The following SNTG2 variants were observed in gnomAD, a reference collection of about 807,000 sequenced individuals.
SNTG2 encodes the protein syntrophin gamma 2, also known as gamma-2-syntrophin.
A neutral mutation model predicts 70.9 loss-of-function variants in SNTG2; 74 were observed. The observed-to-expected ratio is 1.04, with a 90% CI of 0.86 to 1.27. The LOEUF (loss-of-function observed/expected upper bound fraction) is 1.27, where lower values mean the gene tolerates loss of function less well. SNTG2 is among the 50% of genes most tolerant of loss of function. The pLI is 0.00. For missense variants in SNTG2, 717 were observed against 690.7 expected, an observed-to-expected ratio of 1.04 and a Z score of -0.43; for synonymous variants, 278 against 273.8, an observed-to-expected ratio of 1.02 and a Z score of -0.15.
At chr2:1,244,024 C>G (rs1462198409) in intron 11 of SNTG2, among the ~76,000 whole-genome samples, 2 of 152,086 alleles carry the variant, frequency 1.3e-5, no homozygotes, top group Non-Finnish European at 2.9e-5. Context: ...AGACTCTGGC[C>G]TGGGGCCAGG....
chr2:1,263,554 G>T (rs946163250), intron 13 of SNTG2, among the ~76,000 whole-genome samples: 12 of 151,946 alleles, frequency 7.9e-5, no homozygotes, highest in East Asian at 3.9e-4. Context: ...AGTCCTAGGT[G>T]GGGGGTGGGC....
At chr2:1,283,469 C>G (rs547025296) in intron 14 of SNTG2, among the ~76,000 whole-genome samples, 23 of 152,322 alleles carry the variant, frequency 1.5e-4, no homozygotes, top group African/African-American at 5.1e-4. Flanking sequence ...GTCAACGGAG[C>G]TGCTGTGCAC....
chr2:1,083,445 C>T (rs530748407), intron 1 of SNTG2, 73 bp from the exon 2 acceptor site: 4 of 1,529,180 alleles, frequency 2.6e-6, no homozygotes, highest in East Asian at 2.3e-5. Flanking sequence ...GAGCAGGAGG[C>T]GTGCGTCACC....
At chr2:1,281,414 T>TG (rs1372860371) in intron 14 of SNTG2, among the ~76,000 whole-genome samples, 12,831 of 124,942 alleles carry the variant, frequency 0.1, 2,133 homozygotes, top group African/African-American at 0.12. Flanking sequence ...GTGTGTTGTG[T>TG]GTGTGTGTGT....
chr2:1,145,478 TAAAA>T (rs1339911324), intron 6 of SNTG2, among the ~76,000 whole-genome samples: 1 of 152,136 alleles, frequency 6.6e-6, no homozygotes, highest in African/African-American at 2.4e-5. Context: ...ACCAATTCCT[TAAAA>T]AACACAATCT....
At chr2:961,264 T>C (rs1277556217) in intron 1 of SNTG2, among the ~76,000 whole-genome samples, 1 of 152,220 alleles carries the variant, frequency 6.6e-6, no homozygotes. Context: ...TGGAGTGCAG[T>C]GGCACGATCT....
chr2:1,309,474 G>A (rs1211849091), intron 15 of SNTG2, among the ~76,000 whole-genome samples: 3 of 152,220 alleles, frequency 2.0e-5, no homozygotes, highest in African/African-American at 7.2e-5. Context: ...TTTTGCCCCC[G>A]AGGGACACTT....
intron 4 of SNTG2, among the ~76,000 whole-genome samples, chr2:1,136,226 T>C (rs1362068284): frequency 1.3e-5 from 2 of 151,776 alleles, no homozygotes; most frequent in Middle Eastern, 3.4e-3. Flanking sequence ...TTCCAGATAA[T>C]CAATACATGT....
intron 6 of SNTG2, among the ~76,000 whole-genome samples, chr2:1,153,835 G>C (rs4452187): frequency 6.6e-6 from 1 of 152,178 alleles, no homozygotes; most frequent in African/African-American, 2.4e-5. Context: ...AAAAATCAAA[G>C]TGCATCAGCT....
intron 6 of SNTG2, among the ~76,000 whole-genome samples, chr2:1,139,393 G>A (rs962713127): frequency 2.6e-5 from 4 of 152,096 alleles, no homozygotes; most frequent in African/African-American, 9.7e-5. Flanking sequence ...CACCATGCCT[G>A]GTTAATTTTT....
At chr2:1,082,635 G>A (rs1422390912) in intron 1 of SNTG2, among the ~76,000 whole-genome samples, 1 of 152,210 alleles carries the variant, frequency 6.6e-6, no homozygotes, top group Admixed American at 6.5e-5. Flanking sequence ...TGAGGACCAA[G>A]TGCCCTGGCT....
intron 12 of SNTG2, among the ~76,000 whole-genome samples, chr2:1,249,273 G>T (rs948045252): frequency 5.9e-5 from 9 of 152,080 alleles, no homozygotes; most frequent in African/African-American, 2.2e-4. Flanking sequence ...CTAAAAATAG[G>T]TATTTTCATC....
At position 1,259,438 on chromosome 2, in the gene SNTG2, CA is replaced by C. The variant is rs1396957511; in HGVS notation, c.1076del (p.Lys359SerfsTer123). ...TCTGTGAGGTGCTATTTAAAGTTCA[CA>C]AGGTAGGTATCTTTTGCACTTCAGA... ...HLCEVLFKVH[K>X]FWLTEDCWLQ... On this transcript the variant is annotated frameshift_variant and splice_region_variant, in exon 13 of 17. Coordinates refer to ENST00000308624, the MANE Select transcript of SNTG2 (RefSeq NM_018968.4). LOFTEE classifies it high-confidence loss of function. The C allele has an allele frequency of 6.2e-7, 1 of 1,613,356 alleles. No homozygotes were observed. Among genetic ancestry groups the C allele is most frequent in the African/African-American group, 1.3e-5 (1 of 74,942 alleles).
At position 1,310,421 on chromosome 2, in the gene SNTG2, T is replaced by C. The variant is rs183901248; in HGVS notation, c.1377+1835T>C. On this transcript the variant is annotated intron_variant, in intron 15 of 16. Transcript: ENST00000308624. ...ACGTGTCTCTCTGTTGTGATTCTGC[T>C]AGAGGGTCTCAGCACAGGAAGATCA... is the stretch of plus-strand genomic sequence containing the variant. Among the ~76,000 whole-genome samples the C allele has an allele frequency of 1.5e-4, 23 of 152,300 alleles. No individual in the cohort carries two copies. In the East Asian group the frequency reaches 4.2e-3, roughly 28 times the overall value.
At chr2:1,222,057 G>GTCTCTCTGTCTC (rs1482343282) in intron 9 of SNTG2, among the ~76,000 whole-genome samples, 1 of 32,336 alleles carries the variant, frequency 3.1e-5, no homozygotes, top group Non-Finnish European at 6.4e-5. Flanking sequence ...GTCTCTCTCT[G>GTCTCTCTGTCTC]TCTCTGTTTC....
intron 2 of SNTG2, among the ~76,000 whole-genome samples, chr2:1,089,659 A>G (rs1664895871): frequency 6.6e-6 from 1 of 152,222 alleles, no homozygotes; most frequent in Admixed American, 6.5e-5. Flanking sequence ...AATAGTTTAC[A>G]TATGTTTGTG....
At chr2:1,003,959 C>A (rs1345720758) in intron 1 of SNTG2, among the ~76,000 whole-genome samples, 1 of 152,068 alleles carries the variant, frequency 6.6e-6, no homozygotes, top group Admixed American at 6.5e-5. Flanking sequence ...TTCTGAAATC[C>A]CCATGCAAAC....
At chr2:962,653 C>T (rs1231607857) in intron 1 of SNTG2, among the ~76,000 whole-genome samples, 1 of 152,150 alleles carries the variant, frequency 6.6e-6, no homozygotes, top group African/African-American at 2.4e-5. Flanking sequence ...GCTGAGTTTT[C>T]ACTTCATCTT....
chr2:1,089,109 G>C (rs555840864), intron 2 of SNTG2, among the ~76,000 whole-genome samples: 2 of 152,278 alleles, frequency 1.3e-5, no homozygotes, highest in South Asian at 2.1e-4. Context: ...TGCTGAAAAG[G>C]CTTCTGAAAC....
Sources: gnomAD v4.1 joint callset for allele counts (sites outside exome capture counted in the v4.1 genomes callset) on GRCh38, gnomAD v4.1.1 for gene constraint, MANE v1.5 for transcripts, NCBI Gene and HGNC (gene_info 2026-07-23, HGNC 2026-07-21) for gene names.